The following SEMA3A variants were observed in gnomAD, a reference collection of about 807,000 sequenced individuals.
SEMA3A encodes semaphorin-3A.
In SEMA3A, 29 loss-of-function variants were observed where a neutral mutation model predicts 97.9. That is an observed-to-expected ratio of 0.30 (90% confidence interval 0.22 to 0.40). The LOEUF is 0.40. Ranked by LOEUF, SEMA3A falls within the 10% of genes least tolerant of loss-of-function variation. SEMA3A has a pLI of 1.00. For synonymous variants in SEMA3A, 321 were observed against 323.7 expected, an observed-to-expected ratio of 0.99 and a Z score of 0.09; for missense variants, 763 against 951.3, an observed-to-expected ratio of 0.80 and a Z score of 2.60.
chr7:84,340,255 TTAGAA>T (rs1167886155), intron 2 of SEMA3A, among the ~76,000 whole-genome samples: 2 of 152,144 alleles, frequency 1.3e-5, no homozygotes, highest in Non-Finnish European at 2.9e-5. Context: ...AAATAATACA[TTAGAA>T]TAGATTAATA....
chr7:84,287,147 A>T (rs1386465716), intron 3 of SEMA3A, among the ~76,000 whole-genome samples: 2 of 152,066 alleles, frequency 1.3e-5, no homozygotes, highest in African/African-American at 2.4e-5. Context: ...TTAATTTTTC[A>T]TTCCAAATCA....
At chr7:84,451,536 T>C (rs1390546621) in intron 1 of SEMA3A, among the ~76,000 whole-genome samples, 7 of 152,224 alleles carry the variant, frequency 4.6e-5, no homozygotes, top group East Asian at 3.9e-4. Flanking sequence ...TGATGACTTT[T>C]ATAGAGTATG....
At chr7:83,966,188 G>A (rs1584485845) in intron 15 of SEMA3A, among the ~76,000 whole-genome samples, 3 of 151,888 alleles carry the variant, frequency 2.0e-5, no homozygotes, top group African/African-American at 7.2e-5. Context: ...TCTTTCAATA[G>A]AAAATATTCT....
intron 12 of SEMA3A, among the ~76,000 whole-genome samples, chr7:83,991,364 G>T (rs1484940183): frequency 6.6e-6 from 1 of 151,718 alleles, no homozygotes; most frequent in African/African-American, 2.4e-5. Flanking sequence ...ATGTTGAATA[G>T]GAGTGGTGAG....
intron 4 of SEMA3A, among the ~76,000 whole-genome samples, chr7:84,106,524 C>T (rs867015815): frequency 3.3e-5 from 5 of 152,132 alleles, no homozygotes; most frequent in East Asian, 3.9e-4. Context: ...TGTTAAACAA[C>T]GCATGACTGT....
At chr7:83,983,270 A>G (rs2116324207) in intron 13 of SEMA3A, among the ~76,000 whole-genome samples, 1 of 132,516 alleles carries the variant, frequency 7.5e-6, no homozygotes, top group African/African-American at 2.8e-5. Flanking sequence ...TTTTTCTTTC[A>G]CAGACTCCTT....
intron 2 of SEMA3A, among the ~76,000 whole-genome samples, chr7:84,341,856 CT>C (rs1351330130): frequency 6.6e-6 from 1 of 151,978 alleles, no homozygotes; most frequent in Non-Finnish European, 1.5e-5. Flanking sequence ...TGCTGACCAC[CT>C]TTTTTAACTA....
intron 1 of SEMA3A, among the ~76,000 whole-genome samples, chr7:84,382,700 TC>T (rs1803295882): frequency 4.6e-4 from 8 of 17,400 alleles, no homozygotes; most frequent in South Asian, 3.6e-3. Flanking sequence ...CTACTAAAAA[TC>T]CAAAAAAAAA....
intron 1 of SEMA3A, among the ~76,000 whole-genome samples, chr7:84,168,783 T>C (rs369270056): frequency 2.0e-5 from 3 of 151,804 alleles, no homozygotes; most frequent in East Asian, 1.9e-4. Context: ...TACCTACCAG[T>C]TCAGAACATA....
At chr7:84,167,620 T>C (rs1797253719) in intron 1 of SEMA3A, among the ~76,000 whole-genome samples, 1 of 151,904 alleles carries the variant, frequency 6.6e-6, no homozygotes. Flanking sequence ...TGAGGTGGGG[T>C]AGAGTGCAGA....
intron 1 of SEMA3A, among the ~76,000 whole-genome samples, chr7:84,148,984 A>AGTTTTTGGATAGTCAAAAGTTATATGTGG (rs1351887301): frequency 6.6e-6 from 1 of 152,198 alleles, no homozygotes; most frequent in Non-Finnish European, 1.5e-5. Context: ...TTAGTAGTTA[A>AGTTTTTGGATAGTCAAAAGTTATATGTGG]GTTTTTGGAT....
intron 1 of SEMA3A, among the ~76,000 whole-genome samples, chr7:84,141,655 C>A (rs1796294401): frequency 6.6e-6 from 1 of 152,090 alleles, no homozygotes; most frequent in Non-Finnish European, 1.5e-5. Context: ...TGCTTCTCCC[C>A]TTCCTCCCAC....
chr7:84,449,736 T>C (rs1275937719), intron 1 of SEMA3A, among the ~76,000 whole-genome samples: 1 of 152,068 alleles, frequency 6.6e-6, no homozygotes, highest in Non-Finnish European at 1.5e-5. Flanking sequence ...CAACTCCCCA[T>C]TTCCCCCTCA....
At chr7:84,152,242 C>T (rs1281998158) in intron 1 of SEMA3A, among the ~76,000 whole-genome samples, 16 of 149,420 alleles carry the variant, frequency 1.1e-4, no homozygotes, top group African/African-American at 3.2e-4. Flanking sequence ...CACATGCACA[C>T]GTATGTTTAT....
At chr7:84,010,877 C>T (rs1790850674) in intron 9 of SEMA3A, 145 bp downstream of exon 9, 1 of 565,154 alleles carries the variant, frequency 1.8e-6, no homozygotes, top group South Asian at 2.9e-5. Flanking sequence ...TAGATCATAA[C>T]TTCTTTCAGT....
chr7:84,258,053 TTCAGG>T (rs1251629374), intron 3 of SEMA3A, among the ~76,000 whole-genome samples: 4 of 152,174 alleles, frequency 2.6e-5, no homozygotes, highest in Non-Finnish European at 5.9e-5. Context: ...AGCTCTGAGA[TTCAGG>T]TCATTGTCTT....
At chr7:84,165,445 G>A (rs1797172658) in intron 1 of SEMA3A, among the ~76,000 whole-genome samples, 1 of 152,018 alleles carries the variant, frequency 6.6e-6, no homozygotes, top group Non-Finnish European at 1.5e-5. Context: ...AAGATTTATT[G>A]AGTACTTAAT....
At chr7:84,067,171 A>C (rs953139100) in intron 4 of SEMA3A, among the ~76,000 whole-genome samples, 1 of 152,220 alleles carries the variant, frequency 6.6e-6, no homozygotes, top group South Asian at 2.1e-4. Context: ...AGCAATCGGG[A>C]AAGGATTCCT....
At chr7:84,352,855 T>TA (rs1802468614) in intron 2 of SEMA3A, among the ~76,000 whole-genome samples, 1 of 151,824 alleles carries the variant, frequency 6.6e-6, no homozygotes, top group African/African-American at 2.4e-5. Flanking sequence ...CCACAACTAT[T>TA]TATTGAGATC....
Sources: gnomAD v4.1 joint callset for allele counts (sites outside exome capture counted in the v4.1 genomes callset) on GRCh38, gnomAD v4.1.1 for gene constraint, MANE v1.5 for transcripts, NCBI Gene and HGNC (gene_info 2026-07-23, HGNC 2026-07-21) for gene names.